Variants in LCP1 observed in about 807,000 individuals in gnomAD.
LCP1 encodes plastin-2.
In LCP1, 23 loss-of-function variants were observed where a neutral mutation model predicts 72.0. That is an observed-to-expected ratio of 0.32 (90% confidence interval 0.23 to 0.45). LCP1 has a LOEUF of 0.45. Ranked by LOEUF, LCP1 falls within the 20% of genes least tolerant of loss-of-function variation. LCP1 has a pLI of 1.00. For synonymous variants in LCP1, 245 were observed against 275.4 expected (o/e 0.89, Z 1.09); for missense variants, 571 against 748.3 (o/e 0.76, Z 2.76).
At chr13:46,129,948 C>A (rs1448683619) in intron 15 of LCP1, among the ~76,000 whole-genome samples, 1 of 152,194 alleles carries the variant, frequency 6.6e-6, no homozygotes, top group Non-Finnish European at 1.5e-5. Context: ...AGCGGGAAGA[C>A]AGCCGTGTGA....
chr13:46,155,122 T>C (rs1387588812), intron 5 of LCP1, among the ~76,000 whole-genome samples: 2 of 152,192 alleles, frequency 1.3e-5, no homozygotes, highest in African/African-American at 4.8e-5. Flanking sequence ...CACTTCATTC[T>C]CCCACCTAAA....
At chr13:46,175,263 A>G (rs1470186466) in intron 1 of LCP1, among the ~76,000 whole-genome samples, 2 of 152,206 alleles carry the variant, frequency 1.3e-5, no homozygotes, top group Non-Finnish European at 2.9e-5. Flanking sequence ...GATATGCTCC[A>G]TATCTACCTA....
chr13:46,181,448 C>A (rs934700225), intron 1 of LCP1, among the ~76,000 whole-genome samples: 1 of 152,170 alleles, frequency 6.6e-6, no homozygotes, highest in South Asian at 2.1e-4. Flanking sequence ...ATAATTCAGA[C>A]AATCCTACAA....
intron 1 of LCP1, among the ~76,000 whole-genome samples, chr13:46,180,592 C>G (rs2045951477): frequency 6.6e-6 from 1 of 152,202 alleles, no homozygotes; most frequent in South Asian, 2.1e-4. Context: ...GTTCAAAGGG[C>G]AAGACCTAGA....
chr13:46,149,979 T>A (rs369795571), intron 8 of LCP1, among the ~76,000 whole-genome samples: 10 of 152,138 alleles, frequency 6.6e-5, no homozygotes, highest in African/African-American at 2.4e-4. Flanking sequence ...TCCTAAAAAA[T>A]GGGGGCTTTC....
chr13:46,150,952 A>T lies in LCP1; in HGVS notation c.866T>A (p.Phe289Tyr). 6.2e-7 allele frequency: 1 copy of T among 1,613,864 alleles called. No homozygotes were observed. ...TCCTCCTACCTTGATGTCAGTACTG[A>T]AGTTGCCAATTTTGTTGCAGCCTGC... ...ENAGCNKIGN[F>Y]STDIKDSKAY... The change falls in exon 8 of 16, where the codon TTC becomes TAC. Residue 289 changes from phenylalanine to tyrosine, a missense_variant. By Grantham distance (22) the Phe-to-Tyr change is conservative (BLOSUM62 3). Transcript: ENST00000323076.
chr13:46,179,818 G>A (rs911305485), intron 1 of LCP1, among the ~76,000 whole-genome samples: 9 of 151,830 alleles, frequency 5.9e-5, no homozygotes, highest in African/African-American at 2.2e-4. Flanking sequence ...TGGGGAAGTG[G>A]GTCGAGGCAA....
At chr13:46,148,617 T>A (rs2045744989) in intron 8 of LCP1, among the ~76,000 whole-genome samples, 170 bp from the exon 9 acceptor site, 1 of 152,240 alleles carries the variant, frequency 6.6e-6, no homozygotes, top group Non-Finnish European at 1.5e-5. Context: ...ATTTGTCTCT[T>A]TACATATCAC....
intron 1 of LCP1, among the ~76,000 whole-genome samples, chr13:46,168,154 A>G (rs566364768): frequency 2.8e-4 from 42 of 152,272 alleles, no homozygotes; most frequent in Admixed American, 1.9e-3. Flanking sequence ...CAGTCAGGAG[A>G]CCTAGGCTGT....
chr13:46,157,196 T>C (rs982731170), intron 4 of LCP1, among the ~76,000 whole-genome samples: 1 of 151,348 alleles, frequency 6.6e-6, no homozygotes, highest in Non-Finnish European at 1.5e-5. Context: ...TATACATATG[T>C]TTATTTTCTA....
chr13:46,152,823 G>A lies in LCP1; in HGVS notation c.696C>T (p.Ile232=). 1 of 1,614,014 alleles carries A rather than the reference G, an allele frequency of 6.2e-7. No individual in the cohort carries two copies. The highest frequency in any genetic ancestry group is 8.5e-7 in the Non-Finnish European group (1 of 1,179,982). The change falls in exon 7 of 16, where the codon ATC becomes ATT. Residue 232 remains isoleucine (I), a synonymous_variant. Coordinates refer to ENST00000323076, the MANE Select transcript of LCP1 (RefSeq NM_002298.5). ...YLVLGLLWQV[I]KIGLFADIEL... ...CAATGTCAGCAAACAACCCAATCTT[G>A]ATGACTTGCCACAGAAGTCCCAGGA...
intron 1 of LCP1, among the ~76,000 whole-genome samples, chr13:46,175,551 G>A (rs768501579): frequency 2.6e-5 from 4 of 152,118 alleles, no homozygotes; most frequent in African/African-American, 4.8e-5. Context: ...AGGAAGAACT[G>A]CGTGCAGTGA....
chr13:46,142,226 A>C, intron 13 of LCP1, 66 bp downstream of exon 13: 1 of 1,524,456 alleles, frequency 6.6e-7, no homozygotes, highest in Non-Finnish European at 9.0e-7. Flanking sequence ...ACTGCTAAAA[A>C]TTTGCTAATA....
At chr13:46,178,255 A>T (rs1015979878) in intron 1 of LCP1, among the ~76,000 whole-genome samples, 3 of 152,224 alleles carry the variant, frequency 2.0e-5, no homozygotes, top group Non-Finnish European at 4.4e-5. Flanking sequence ...AGGATGATTA[A>T]TTGAAGCGCC....
At chr13:46,179,808 T>G (rs1185998311) in intron 1 of LCP1, among the ~76,000 whole-genome samples, 1 of 151,864 alleles carries the variant, frequency 6.6e-6, no homozygotes, top group Non-Finnish European at 1.5e-5. Flanking sequence ...GAAATAAGAT[T>G]GGGGAAGTGG....
At chr13:46,179,502 G>A (rs907760648) in intron 1 of LCP1, among the ~76,000 whole-genome samples, 3 of 152,174 alleles carry the variant, frequency 2.0e-5, no homozygotes, top group African/African-American at 7.2e-5. Flanking sequence ...TGTGATTAAT[G>A]TTATACTTAC....
intron 4 of LCP1, among the ~76,000 whole-genome samples, chr13:46,157,435 T>C (rs1454346245): frequency 6.6e-6 from 1 of 152,166 alleles, no homozygotes; most frequent in African/African-American, 2.4e-5. Context: ...CATTTGGATA[T>C]AATCTTTTTT....
At chr13:46,177,246 T>C (rs927950928) in intron 1 of LCP1, among the ~76,000 whole-genome samples, 5 of 152,240 alleles carry the variant, frequency 3.3e-5, no homozygotes, top group African/African-American at 1.2e-4. Flanking sequence ...TATACAATCA[T>C]AGATATGTGT....
chr13:46,160,884 A>T lies in LCP1; in HGVS notation c.-24-1198T>A, dbSNP rs1047227923. 3.3e-5 allele frequency among the ~76,000 whole-genome samples: 5 copies of T among 152,112 alleles called. No individual in the cohort carries two copies. In the South Asian group the frequency reaches 1.0e-3, roughly 31 times the overall value. The stretch of plus-strand genomic sequence containing the variant: ...AGGGAAGTTATCGATTTAAAAAAAA[A>T]TTTGTGACAGGATGTTGTTTTCAGT... On this transcript the variant is annotated intron_variant, in intron 1 of 15. Transcript: ENST00000323076.
Sources: gnomAD v4.1 joint callset for allele counts (sites outside exome capture counted in the v4.1 genomes callset) on GRCh38, gnomAD v4.1.1 for gene constraint, MANE v1.5 for transcripts, NCBI Gene and HGNC (gene_info 2026-07-23, HGNC 2026-07-21) for gene names.